LARGE1: variants seen among roughly 807,000 people sequenced by gnomAD.
LARGE1 encodes the protein LARGE xylosyl- and glucuronyltransferase 1.
A neutral mutation model predicts 87.6 loss-of-function variants in LARGE1; 43 were observed. That is an observed-to-expected ratio of 0.49 (90% confidence interval 0.38 to 0.63). The LOEUF (loss-of-function observed/expected upper bound fraction) is 0.63. Ranked by LOEUF, LARGE1 falls within the 30% of genes least tolerant of loss-of-function variation. LARGE1 has a pLI of 0.00. For missense variants in LARGE1, 802 were observed against 1,000.2 expected (o/e 0.80, Z 2.67); for synonymous variants, 434 against 394.6 (o/e 1.10, Z -1.18).
At chr22:33,717,234 G>A (rs2082939388) in intron 2 of LARGE1, among the ~76,000 whole-genome samples, 1 of 151,902 alleles carries the variant, frequency 6.6e-6, no homozygotes, top group African/African-American at 2.4e-5. Context: ...CCCCCACAGT[G>A]CACCATGTAT....
chr22:33,440,862 C>A (rs1361104321), intron 6 of LARGE1, among the ~76,000 whole-genome samples: 1 of 152,140 alleles, frequency 6.6e-6, no homozygotes, highest in African/African-American at 2.4e-5. Context: ...CCTAGGATCA[C>A]AGACAGTCAG....
intron 11 of LARGE1, among the ~76,000 whole-genome samples, chr22:33,233,227 T>C (rs983056191): frequency 6.6e-6 from 1 of 151,972 alleles, no homozygotes; most frequent in Non-Finnish European, 1.5e-5. Flanking sequence ...AACTTCCGGG[T>C]ATAGGAAGTT....
intron 6 of LARGE1, among the ~76,000 whole-genome samples, chr22:33,452,436 T>G (rs534724614): frequency 5.7e-4 from 87 of 152,124 alleles, no homozygotes; most frequent in African/African-American, 1.9e-3. Context: ...AAGGTAGAGG[T>G]GGTGGCTTCT....
At chr22:33,484,796 C>T (rs955445415) in intron 6 of LARGE1, among the ~76,000 whole-genome samples, 2 of 152,156 alleles carry the variant, frequency 1.3e-5, no homozygotes, top group Non-Finnish European at 2.9e-5. Context: ...ATCCTCTGAC[C>T]TCTCTTACCC....
intron 6 of LARGE1, among the ~76,000 whole-genome samples, chr22:33,488,402 G>T (rs969677338): frequency 6.6e-6 from 1 of 152,146 alleles, no homozygotes; most frequent in Non-Finnish European, 1.5e-5. Flanking sequence ...GAACAACAGG[G>T]CAAGAGAGTC....
intron 7 of LARGE1, among the ~76,000 whole-genome samples, chr22:33,391,512 G>C (rs2065521270): frequency 6.6e-6 from 1 of 152,066 alleles, no homozygotes; most frequent in Non-Finnish European, 1.5e-5. Context: ...GAGACAGGAA[G>C]AACAAAGGTC....
At position 33,664,689 on chromosome 22, in the gene LARGE1, A is replaced by AC. The variant is rs549344699; in HGVS notation, c.107-14022dup. Among the ~76,000 whole-genome samples, 21 of 152,172 alleles carry AC rather than the reference A, an allele frequency of 1.4e-4. No individual in the cohort carries two copies. In the South Asian group the frequency reaches 3.9e-3, roughly 29 times the overall value. On this transcript the variant is annotated intron_variant, in intron 2 of 14. Transcript: ENST00000397394. ...AGACCATCCTGGCCAACATGGTGAA[A>AC]CCCCGTCTCTACTAAAATACAGAAA... is the stretch of plus-strand genomic sequence containing the variant.
chr22:33,788,925 G>T (rs1021541789), intron 1 of LARGE1, among the ~76,000 whole-genome samples: 1 of 152,204 alleles, frequency 6.6e-6, no homozygotes, highest in African/African-American at 2.4e-5. Flanking sequence ...TTGAAAATCT[G>T]CAGCCTGATA....
At chr22:33,497,507 A>G (rs892011833) in intron 6 of LARGE1, among the ~76,000 whole-genome samples, 1 of 152,224 alleles carries the variant, frequency 6.6e-6, no homozygotes, top group Non-Finnish European at 1.5e-5. Context: ...ATCAGCTATC[A>G]TAATTATTCT....
intron 12 of LARGE1, among the ~76,000 whole-genome samples, chr22:33,301,441 T>C (rs1351240212): frequency 6.6e-6 from 1 of 152,094 alleles, no homozygotes; most frequent in African/African-American, 2.4e-5. Flanking sequence ...TTGCTCCAAA[T>C]CATCATCTAA....
the LARGE1 span, among the ~76,000 whole-genome samples, chr22:33,113,738 A>C: frequency 6.6e-6 from 1 of 152,192 alleles, no homozygotes; most frequent in Admixed American, 6.5e-5. Context: ...TCTCTCTCCC[A>C]GTAGACTGAA....
intron 11 of LARGE1, among the ~76,000 whole-genome samples, chr22:33,166,999 T>C (rs966071661): frequency 6.6e-6 from 1 of 152,208 alleles, no homozygotes; most frequent in Non-Finnish European, 1.5e-5. Context: ...CCTAAGATCA[T>C]TACATGCATA....
intron 2 of LARGE1, among the ~76,000 whole-genome samples, chr22:33,678,365 T>C (rs1451519403): frequency 6.6e-6 from 1 of 152,196 alleles, no homozygotes; most frequent in Non-Finnish European, 1.5e-5. Context: ...TATTCTAATA[T>C]AGGTTGCTAA....
chr22:33,406,602 C>A lies in LARGE1; in HGVS notation c.893-22298G>T, dbSNP rs111456028. 6.1e-3 allele frequency among the ~76,000 whole-genome samples: 936 copies of A among 152,296 alleles called. 15 individuals are homozygous for A. Among genetic ancestry groups the A allele is most frequent in the African/African-American group, 0.021 (889 of 41,562 alleles). On this transcript the variant is annotated intron_variant, in intron 7 of 14. Coordinates refer to ENST00000397394, the MANE Select transcript of LARGE1 (RefSeq NM_133642.5). ...AGATCTCATTCAGTCTTCGAGACGA[C>A]CCTCTGCCACACGTTTTCCCATTAT...
At chr22:33,703,372 T>G (rs240084) in intron 2 of LARGE1, among the ~76,000 whole-genome samples, 139,098 of 147,522 alleles carry the variant, frequency 0.94, 65,592 homozygotes, top group African/African-American at 0.98. Context: ...AAAAAAAAAA[T>G]AAAATAAAAA....
At chr22:33,663,090 T>A (rs1196591608) in intron 2 of LARGE1, among the ~76,000 whole-genome samples, 1 of 151,902 alleles carries the variant, frequency 6.6e-6, no homozygotes, top group Non-Finnish European at 1.5e-5. Flanking sequence ...TCCTGACAAA[T>A]CCAAACCATC....
At chr22:33,614,126 C>T (rs2079516889) in intron 4 of LARGE1, among the ~76,000 whole-genome samples, 1 of 152,114 alleles carries the variant, frequency 6.6e-6, no homozygotes, top group East Asian at 1.9e-4. Flanking sequence ...AATGTTGAAC[C>T]TTGGGAAAGC....
chr22:33,258,138 T>G (rs1453512784), intron 11 of LARGE1, among the ~76,000 whole-genome samples: 1 of 152,056 alleles, frequency 6.6e-6, no homozygotes, highest in Non-Finnish European at 1.5e-5. Context: ...ACCGCGATTC[T>G]CCCTGCCTCA....
intron 1 of LARGE1, among the ~76,000 whole-genome samples, chr22:33,777,000 T>C (rs146799964): frequency 1.1e-3 from 162 of 152,122 alleles, no homozygotes; most frequent in African/African-American, 3.7e-3. Flanking sequence ...GTGTACAGGA[T>C]AGTCAGGCAG....
Sources: gnomAD v4.1 joint callset for allele counts (sites outside exome capture counted in the v4.1 genomes callset) on GRCh38, gnomAD v4.1.1 for gene constraint, MANE v1.5 for transcripts, NCBI Gene and HGNC (gene_info 2026-07-23, HGNC 2026-07-21) for gene names.